GSE1: variants seen among roughly 807,000 people sequenced by gnomAD.
GSE1 encodes genetic suppressor element 1.
A neutral mutation model predicts 112.6 loss-of-function variants in GSE1; 32 were observed. The observed-to-expected ratio is 0.28, with a 90% CI of 0.21 to 0.38. The LOEUF (loss-of-function observed/expected upper bound fraction) is 0.38. Ranked by LOEUF, GSE1 falls within the 10% of genes least tolerant of loss-of-function variation. The pLI, the probability that GSE1 is intolerant of heterozygous loss-of-function variation, is 1.00. For missense variants in GSE1, 2,348 were observed against 1,699.2 expected (o/e 1.38, Z -6.71); for synonymous variants, 1,115 against 735.6 (o/e 1.52, Z -8.35).
At chr16:85,653,412 C>T (rs978958020) in intron 3 of GSE1, among the ~76,000 whole-genome samples, 4 of 147,824 alleles carry the variant, frequency 2.7e-5, no homozygotes, top group Non-Finnish European at 4.5e-5. Flanking sequence ...TGCGGGGCAG[C>T]CTCTGCGTGG....
chr16:85,542,024 C>T (rs1338163274), intron 2 of GSE1, among the ~76,000 whole-genome samples: 1 of 152,230 alleles, frequency 6.6e-6, no homozygotes, highest in African/African-American at 2.4e-5. Flanking sequence ...GCCCAGAAGA[C>T]ATCAGTCATT....
At position 85,655,935 on chromosome 16, in the gene GSE1, C is replaced by G; in HGVS notation, c.989+18C>G. 1 of 1,583,422 alleles carries G rather than the reference C, an allele frequency of 6.3e-7. No homozygotes were observed. The highest frequency in any genetic ancestry group is 1.1e-5 in the South Asian group (1 of 89,382). On this transcript the variant is annotated intron_variant, in intron 6 of 15. Transcript: ENST00000253458. ...GCGGAGAGGTAAGTGCGTCTCGAGC[C>G]GAGGAGCCCCTCTGCCCTCCCTGTC... is the stretch of plus-strand genomic sequence containing the variant.
intron 1 of GSE1, among the ~76,000 whole-genome samples, chr16:85,180,453 C>T (rs933413515): frequency 1.3e-5 from 2 of 152,250 alleles, no homozygotes; most frequent in Non-Finnish European, 2.9e-5. Context: ...CACTCCCAAG[C>T]CCTCGGGCTC....
intron 2 of GSE1, among the ~76,000 whole-genome samples, chr16:85,478,358 C>G (rs1351784064): frequency 6.6e-6 from 1 of 151,948 alleles, no homozygotes; most frequent in Non-Finnish European, 1.5e-5. Flanking sequence ...GAAACCCCGT[C>G]CCTACTAAAA....
intron 1 of GSE1, among the ~76,000 whole-genome samples, chr16:85,272,248 G>C (rs12596640): frequency 0.038 from 5,762 of 152,298 alleles, 133 homozygotes; most frequent in South Asian, 0.12. Flanking sequence ...CCCTGTCTTT[G>C]GCCGTGCTCT....
At chr16:85,608,297 C>T (rs2047801435), upstream of GSE1, among the ~76,000 whole-genome samples, 1 of 152,096 alleles carries the variant, frequency 6.6e-6, no homozygotes, top group South Asian at 2.1e-4. Flanking sequence ...TCTTCGTGCC[C>T]CCCGGATTCA....
At chr16:85,558,649 G>C (rs1242628330) in intron 1 of GSE1, among the ~76,000 whole-genome samples, 1 of 152,114 alleles carries the variant, frequency 6.6e-6, no homozygotes, top group Admixed American at 6.5e-5. Context: ...GGGGAGGTCG[G>C]GGCACAAGTA....
At chr16:85,319,379 C>T (rs993040477) in intron 1 of GSE1, among the ~76,000 whole-genome samples, 1 of 152,220 alleles carries the variant, frequency 6.6e-6, no homozygotes, top group Non-Finnish European at 1.5e-5. Context: ...CCGGGCAGCT[C>T]TTCTAGCAGA....
intron 1 of GSE1, among the ~76,000 whole-genome samples, chr16:85,272,861 C>T (rs972450886): frequency 2.0e-5 from 3 of 151,178 alleles, no homozygotes; most frequent in Non-Finnish European, 4.4e-5. Flanking sequence ...ACTGCAACCT[C>T]TGTCTCCCAG....
intron 1 of GSE1, among the ~76,000 whole-genome samples, chr16:85,346,771 GTGGA>G (rs1249865143): frequency 1.6e-4 from 24 of 150,368 alleles, no homozygotes; most frequent in Non-Finnish European, 4.4e-5. Context: ...TGGGTGGACG[GTGGA>G]TGGATGGATG....
intron 2 of GSE1, among the ~76,000 whole-genome samples, chr16:85,503,729 C>T (rs2051445085): frequency 1.3e-5 from 2 of 152,266 alleles, no homozygotes; most frequent in Admixed American, 6.5e-5. Flanking sequence ...GCAAACCTCG[C>T]CGATGACAGA....
At chr16:85,570,832 C>T (rs921215492) in intron 1 of GSE1, among the ~76,000 whole-genome samples, 3 of 152,160 alleles carry the variant, frequency 2.0e-5, no homozygotes, top group African/African-American at 4.8e-5. Context: ...TGCCGGACGC[C>T]GGAGGAGGCA....
chr16:85,333,967 A>G (rs537815362), intron 1 of GSE1, among the ~76,000 whole-genome samples: 37 of 152,256 alleles, frequency 2.4e-4, no homozygotes, highest in Non-Finnish European at 4.3e-4. Flanking sequence ...TTCCTGCTAG[A>G]TACTACTGTG....
At chr16:85,414,767 T>G (rs2048665848) in intron 2 of GSE1, among the ~76,000 whole-genome samples, 1 of 152,186 alleles carries the variant, frequency 6.6e-6, no homozygotes, top group Non-Finnish European at 1.5e-5. Context: ...CCTGAATAAC[T>G]GGGATTACAG....
intron 2 of GSE1, among the ~76,000 whole-genome samples, chr16:85,424,477 A>G (rs2054702): frequency 0.67 from 101,690 of 151,566 alleles, 35,492 homozygotes; most frequent in Non-Finnish European, 0.77. Flanking sequence ...ACGTGGGGAC[A>G]AGCCACATGG....
intron 9 of GSE1, chr16:85,662,360 T>C (rs73253238): frequency 0.053 from 8,105 of 153,634 alleles, 760 homozygotes; most frequent in African/African-American, 0.19. Flanking sequence ...AGCCCAGTTT[T>C]CTTCCTGATG....
At chr16:85,464,065 C>T (rs781672823) in intron 2 of GSE1, among the ~76,000 whole-genome samples, 5 of 152,200 alleles carry the variant, frequency 3.3e-5, no homozygotes, top group South Asian at 2.1e-4. Flanking sequence ...TGAGCCAGGC[C>T]AGCAGCGGGG....
At chr16:85,536,749 G>C (rs1488065844) in intron 2 of GSE1, among the ~76,000 whole-genome samples, 1 of 152,202 alleles carries the variant, frequency 6.6e-6, no homozygotes, top group African/African-American at 2.4e-5. Flanking sequence ...GTCTCTGAGG[G>C]GTGAGAGGGA....
In GSE1 at chr16:85,461,546, G is replaced by A. The variant is rs557820847; in HGVS notation, c.2464+103903G>A. ...CGCTGTGGTTTAAAAGCACCCAGGT[G>A]GTTCTAATCTGTTGCGAGGGGTTCG... On this transcript the variant is annotated intron_variant, in intron 2 of 2. Transcript: ENST00000637419. Among the ~76,000 whole-genome samples, 19 of 152,260 alleles carry A rather than the reference G, an allele frequency of 1.2e-4. No individual in the cohort carries two copies. In the East Asian group the frequency reaches 2.5e-3, roughly 20 times the overall value.
Sources: gnomAD v4.1 joint callset for allele counts (sites outside exome capture counted in the v4.1 genomes callset) on GRCh38, gnomAD v4.1.1 for gene constraint, MANE v1.5 for transcripts, NCBI Gene and HGNC (gene_info 2026-07-23, HGNC 2026-07-21) for gene names.